Variants in IGFBP2 observed in about 807,000 individuals in gnomAD.
The protein encoded by IGFBP2 is insulin like growth factor binding protein 2, also known as insulin-like growth factor-binding protein 2.
In IGFBP2, 12 loss-of-function variants were observed where a neutral mutation model predicts 26.2. The observed-to-expected ratio is 0.46, with a 90% CI of 0.29 to 0.74. The LOEUF is 0.74. Ranked by LOEUF, IGFBP2 falls within the 30% of genes least tolerant of loss-of-function variation. The pLI is 0.09. For missense variants in IGFBP2, 328 were observed against 441.2 expected, an observed-to-expected ratio of 0.74 and a Z score of 2.30; for synonymous variants, 189 against 200.6, an observed-to-expected ratio of 0.94 and a Z score of 0.49.
chr2:216,635,112 A>G (rs1412333824), intron 1 of IGFBP2, among the ~76,000 whole-genome samples: 3 of 151,696 alleles, frequency 2.0e-5, no homozygotes, highest in Non-Finnish European at 4.4e-5. Context: ...CCCCCACCCC[A>G]TGCACCAACC....
intron 3 of IGFBP2, 109 bp downstream of exon 3, chr2:216,662,107 TGA>T: frequency 1.6e-6 from 2 of 1,266,842 alleles, no homozygotes; most frequent in Non-Finnish European, 1.1e-6. Context: ...CTGAGCTGAG[TGA>T]GAGACTCAGA....
Position 216,664,161 on chromosome 2 carries a change from A to G in IGFBP2, c.*57A>G. On this transcript the variant is annotated 3_prime_UTR_variant, in exon 4 of 4. Transcript: ENST00000233809. The surrounding 1 kb of genome is among the most constrained non-coding windows in gnomAD (Gnocchi z 4.6). ...CCCCCGCCCCTCTCCAAACACCGGC[A>G]GAAAACGGAGAGTGCTTGGGTGGTG... is the stretch of plus-strand genomic sequence containing the variant. 1.4e-6 allele frequency: 2 copies of G among 1,394,964 alleles called. No individual in the cohort carries two copies. Among genetic ancestry groups the G allele is most frequent in the Non-Finnish European group, 1.9e-6 (2 of 1,035,734 alleles). The allele number at this position is 1,394,964 out of a possible 1,614,324, so 86.4% of individuals were successfully genotyped here.
chr2:216,643,328 G>T (rs928005514), intron 1 of IGFBP2, among the ~76,000 whole-genome samples: 1 of 152,136 alleles, frequency 6.6e-6, no homozygotes, highest in African/African-American at 2.4e-5. Context: ...GAGTACTGGG[G>T]CTCTACCTAA....
chr2:216,636,571 G>T (rs1439477259), intron 1 of IGFBP2, among the ~76,000 whole-genome samples: 1 of 152,128 alleles, frequency 6.6e-6, no homozygotes, highest in Admixed American at 6.5e-5. Context: ...AGTCTTGGGG[G>T]AAGGGGTGGG....
At position 216,664,344 on chromosome 2, in the gene IGFBP2, A is replaced by T; in HGVS notation, c.*240A>T. 2.5e-6 allele frequency: 1 copy of T among 401,894 alleles called. No individual in the cohort carries two copies. The highest frequency in any genetic ancestry group is 4.4e-6 in the Non-Finnish European group (1 of 225,640). The allele number at this position is 401,894 out of a possible 1,614,324, so 24.9% of individuals were successfully genotyped here. A position where few individuals can be genotyped will look rare whatever the true frequency, so the allele number is the denominator to read the frequency against. ...GGGAGGAAGGGGGTTGTGGTCGGGG[A>T]GCTGGGGTACAGGTTTGGGGAGGGG... On this transcript the variant is annotated 3_prime_UTR_variant, in exon 4 of 4. Coordinates refer to ENST00000233809, the MANE Select transcript of IGFBP2 (RefSeq NM_000597.3). The surrounding 1 kb of genome is among the most constrained non-coding windows in gnomAD (Gnocchi z 4.6).
At chr2:216,652,254 A>G (rs1402204851) in intron 1 of IGFBP2, among the ~76,000 whole-genome samples, 2 of 145,538 alleles carry the variant, frequency 1.4e-5, no homozygotes, top group African/African-American at 5.2e-5. Flanking sequence ...GCTCACTGCA[A>G]CCTCCGCTTC....
intron 1 of IGFBP2, among the ~76,000 whole-genome samples, chr2:216,652,132 A>G (rs1437004955): frequency 6.7e-6 from 1 of 149,500 alleles, no homozygotes; most frequent in Non-Finnish European, 1.5e-5. Context: ...GGGTAAAAAT[A>G]CCATGTCTTG....
chr2:216,662,527 G>A (rs1688678669), intron 3 of IGFBP2: 1 of 160,052 alleles, frequency 6.2e-6, no homozygotes, highest in Admixed American at 5.9e-5. Context: ...GAAAGATTCT[G>A]AAAAGCCATC....
intron 2 of IGFBP2, 22 bp from the exon 3 acceptor site, chr2:216,661,836 C>T: frequency 3.7e-6 from 6 of 1,613,894 alleles, no homozygotes; most frequent in Non-Finnish European, 4.2e-6. Context: ...CTCCGGGCGT[C>T]CCCTGCTGTC....
chr2:216,633,567 C>CGCCGCTACT lies in IGFBP2; in HGVS notation c.50_51insACTGCCGCT (p.Pro19_Leu21dup). 3 of 970,430 alleles carry CGCCGCTACT rather than the reference C, an allele frequency of 3.1e-6. No individual in the cohort carries two copies. The highest frequency in any genetic ancestry group is 3.7e-6 in the Non-Finnish European group (3 of 810,994). The allele number at this position is 970,430 out of a possible 1,614,324, so 60.1% of individuals were successfully genotyped here. On this transcript the variant is annotated inframe_insertion, in exon 1 of 4. Transcript: ENST00000233809. ...TGCCCCGCGCTGCCGCTGCCGCCGC[C>CGCCGCTACT]GCCGCTGCTGCCGCTGCTGCTGCTG...
rs1559172800 is a variant in IGFBP2, at chr2:216,633,567, C to CTGCCGCTGCTGCCGCTGCT, written c.44_45insTGCCGCTGCTGCCGCTGCT (p.Pro16AlafsTer123). 1 of 967,722 alleles carries CTGCCGCTGCTGCCGCTGCT rather than the reference C, an allele frequency of 1.0e-6. No individual in the cohort carries two copies. Among genetic ancestry groups the CTGCCGCTGCTGCCGCTGCT allele is most frequent in the African/African-American group, 1.8e-5 (1 of 56,078 alleles). 59.9% of individuals were successfully genotyped at this position (967,722 alleles called of 1,614,324 possible). ...TGCCCCGCGCTGCCGCTGCCGCCGC[C>CTGCCGCTGCTGCCGCTGCT]GCCGCTGCTGCCGCTGCTGCTGCTG... On this transcript the variant is annotated frameshift_variant, in exon 1 of 4. Coordinates refer to ENST00000233809, the MANE Select transcript of IGFBP2 (RefSeq NM_000597.3). LOFTEE classifies it high-confidence loss of function.
chr2:216,646,997 A>G (rs1382404648), intron 1 of IGFBP2, among the ~76,000 whole-genome samples: 33 of 152,230 alleles, frequency 2.2e-4, no homozygotes, highest in Non-Finnish European at 4.4e-5. Context: ...ATGCTTTTTC[A>G]TGCTGGAGGG....
Position 216,661,465 on chromosome 2 carries a change from C to T in IGFBP2, c.673-393C>T, listed in dbSNP as rs1047721802. On this transcript the variant is annotated intron_variant, in intron 2 of 3. Coordinates refer to ENST00000233809, the MANE Select transcript of IGFBP2 (RefSeq NM_000597.3). The stretch of plus-strand genomic sequence containing the variant: ...GAGCTACCCCTCCCCTCTTTCCTGC[C>T]CAGCTCTGCCATCTTGGGTCCTGGC... The T allele has an allele frequency of 8.4e-5, 30 of 356,204 alleles. No homozygotes were observed. The Admixed American group carries it at 1.0e-3, about 12-fold the overall frequency. The allele number at this position is 356,204 out of a possible 1,614,324, so 22.1% of individuals were successfully genotyped here. A position where few individuals can be genotyped will look rare whatever the true frequency, so the allele number is the denominator to read the frequency against.
In IGFBP2 at chr2:216,633,549, CGCTGCCGCTGCCGCCGCCGCCGCT is replaced by C. The variant is rs1196058071; in HGVS notation, c.38_61del (p.Pro13_Leu20del). 1,732 of 920,630 alleles carry C rather than the reference CGCTGCCGCTGCCGCCGCCGCCGCT, an allele frequency of 1.9e-3. 2 individuals carry two copies. The highest frequency in any genetic ancestry group is 2.1e-3 in the Non-Finnish European group (1,634 of 779,824). 57.0% of individuals were successfully genotyped at this position (920,630 alleles called of 1,614,324 possible). Reference sequence around the variant, plus strand: ...ATGCTGCCGAGAGTGGGCTGCCCCGCGCTGCCGCTGCCGCCGCCGCCGCTGCTGCCGCTGCTGCTGCTGCTACTG... The same window carrying C: ...ATGCTGCCGAGAGTGGGCTGCCCCGCGCTGCCGCTGCTGCTGCTGCTACTG... On this transcript the variant is annotated inframe_deletion, in exon 1 of 4. Transcript: ENST00000233809.
chr2:216,654,737 G>T (rs1372273433), intron 1 of IGFBP2, among the ~76,000 whole-genome samples: 1 of 152,192 alleles, frequency 6.6e-6, no homozygotes, highest in Non-Finnish European at 1.5e-5. Flanking sequence ...CCTTGCATCA[G>T]CAAACCAGGC....
intron 1 of IGFBP2, among the ~76,000 whole-genome samples, chr2:216,655,925 A>T (rs1283042722): frequency 6.6e-6 from 1 of 152,092 alleles, no homozygotes. Context: ...TCAAAAAACC[A>T]TATTTTATAA....
intron 1 of IGFBP2, 136 bp downstream of exon 1, chr2:216,634,101 A>G: frequency 7.4e-7 from 1 of 1,344,486 alleles, no homozygotes; most frequent in Non-Finnish European, 9.7e-7. Flanking sequence ...GACTGTTGCT[A>G]GCGGGACGCG....
intron 1 of IGFBP2, among the ~76,000 whole-genome samples, chr2:216,643,054 T>C (rs1347481721): frequency 5.9e-5 from 9 of 152,256 alleles, no homozygotes; most frequent in Non-Finnish European, 8.8e-5. Flanking sequence ...GGGTGTGCAA[T>C]TGTGCAGTCA....
chr2:216,663,815 G>T, intron 3 of IGFBP2, 125 bp from the exon 4 acceptor site: 2 of 924,080 alleles, frequency 2.2e-6, no homozygotes, highest in Non-Finnish European at 3.2e-6. Flanking sequence ...ATTTGAAGTT[G>T]CGAAGCTCCA....
Sources: allele counts gnomAD v4.1 joint callset (sites outside exome capture counted in the v4.1 genomes callset), GRCh38; gene constraint gnomAD v4.1.1; non-coding constraint Gnocchi (gnomAD v3.1); transcripts MANE v1.5; gene names NCBI Gene and HGNC (gene_info 2026-07-23, HGNC 2026-07-21).